The following TCF4 variants were observed in gnomAD, a reference collection of about 807,000 sequenced individuals.
The protein encoded by TCF4 is transcription factor 4.
TCF4 carries 3 observed loss-of-function variants against 82.1 expected under a neutral mutation model. The ratio of observed to expected loss-of-function variants is 0.04; its 90% CI spans 0.02 to 0.09. The LOEUF (loss-of-function observed/expected upper bound fraction) is 0.09, where lower values mean the gene tolerates loss of function less well. TCF4 is among the 10% of genes least tolerant of loss of function. TCF4 has a pLI of 1.00. For missense variants in TCF4, 518 were observed against 852.7 expected (o/e 0.61, Z 4.89); for synonymous variants, 276 against 309.6 (o/e 0.89, Z 1.14).
At chr18:55,273,354 AC>A (rs2060791448) in intron 10 of TCF4, among the ~76,000 whole-genome samples, 1 of 152,182 alleles carries the variant, frequency 6.6e-6, no homozygotes, top group Non-Finnish European at 1.5e-5. Context: ...TAATCCAGGA[AC>A]AGCGCTTAGC....
chr18:55,368,107 C>T (rs1003212843), intron 6 of TCF4, among the ~76,000 whole-genome samples: 2 of 152,162 alleles, frequency 1.3e-5, no homozygotes, highest in African/African-American at 2.4e-5. Flanking sequence ...TGTTTTCAGC[C>T]GGGCGCGGTG....
intron 8 of TCF4, among the ~76,000 whole-genome samples, chr18:55,313,852 T>A (rs922858591): frequency 7.2e-5 from 11 of 152,160 alleles, no homozygotes; most frequent in Non-Finnish European, 1.2e-4. Context: ...TCTCCTAACA[T>A]CCTGGCTGAT....
At chr18:55,248,809 A>G (rs966560818) in intron 15 of TCF4, among the ~76,000 whole-genome samples, 7 of 152,122 alleles carry the variant, frequency 4.6e-5, no homozygotes, top group African/African-American at 1.4e-4. Context: ...CAGTGGCACA[A>G]TCTTGGCTCA....
chr18:55,430,093 ATC>A (rs2095140295), intron 5 of TCF4, among the ~76,000 whole-genome samples: 1 of 152,186 alleles, frequency 6.6e-6, no homozygotes, highest in African/African-American at 2.4e-5. Flanking sequence ...TAGAACATTC[ATC>A]TCTCTGTATT....
chr18:55,499,819 CT>C (rs1337083263), intron 3 of TCF4, among the ~76,000 whole-genome samples: 1 of 152,230 alleles, frequency 6.6e-6, no homozygotes, highest in African/African-American at 2.4e-5. Context: ...AAAATACGGA[CT>C]ACCAGGCCTT....
chr18:55,381,925 TA>T (rs556808034), intron 6 of TCF4, among the ~76,000 whole-genome samples: 2 of 150,780 alleles, frequency 1.3e-5, no homozygotes, highest in East Asian at 3.9e-4. Context: ...TTTTTTTTTT[TA>T]AAAAAGGAAA....
At chr18:55,525,901 G>A (rs2096978433) in intron 3 of TCF4, among the ~76,000 whole-genome samples, 1 of 152,162 alleles carries the variant, frequency 6.6e-6, no homozygotes, top group Non-Finnish European at 1.5e-5. Context: ...AAACAAGGTG[G>A]TAGTCATTAT....
Position 55,568,202 on chromosome 18 carries a change from T to C in TCF4, c.145+17078A>G, listed in dbSNP as rs147057094. 4.8e-3 allele frequency among the ~76,000 whole-genome samples: 694 copies of C among 145,400 alleles called. 6 individuals carry two copies. Among genetic ancestry groups the C allele is most frequent in the Middle Eastern group, 0.015 (4 of 262 alleles). Reference sequence around the variant, plus strand: ...AAACAGAATAATAAGCCTAAGTACATAGAAAGCAGGAAATAACAAAGATTA... The same window carrying C: ...AAACAGAATAATAAGCCTAAGTACACAGAAAGCAGGAAATAACAAAGATTA... On this transcript the variant is annotated intron_variant, in intron 3 of 19. Transcript: ENST00000354452.
chr18:55,588,462 T>A, upstream of TCF4: 1 of 1,534,728 alleles, frequency 6.5e-7, no homozygotes, highest in East Asian at 2.4e-5. Flanking sequence ...CGAAAATTCA[T>A]CGAGCACCTC....
chr18:55,414,981 C>T (rs952914677), intron 5 of TCF4, among the ~76,000 whole-genome samples: 2 of 152,174 alleles, frequency 1.3e-5, no homozygotes, highest in South Asian at 2.1e-4. Flanking sequence ...CCAACCATAA[C>T]AGGAATTTTT....
chr18:55,551,522 G>A (rs951336858), intron 3 of TCF4: 3 of 152,474 alleles, frequency 2.0e-5, no homozygotes, highest in African/African-American at 4.8e-5. Context: ...CTCCGGAACC[G>A]AGCCTCTTCA....
intron 11 of TCF4, chr18:55,265,161 C>G (rs2058850811): frequency 6.6e-6 from 1 of 152,096 alleles, no homozygotes; most frequent in Non-Finnish European, 1.5e-5. Flanking sequence ...AATGTGTTGC[C>G]CCTTTAATGC....
At chr18:55,437,809 A>T (rs1464169546) in intron 5 of TCF4, among the ~76,000 whole-genome samples, 1 of 152,234 alleles carries the variant, frequency 6.6e-6, no homozygotes, top group Non-Finnish European at 1.5e-5. Flanking sequence ...CATGGGGTTC[A>T]GGAGTCCTGG....
intron 5 of TCF4, among the ~76,000 whole-genome samples, chr18:55,417,724 A>G (rs766301404): frequency 5.9e-5 from 9 of 152,226 alleles, no homozygotes; most frequent in Non-Finnish European, 1.2e-4. Flanking sequence ...GGACAACGTA[A>G]TGTAAAGATT....
rs1368925834 is a variant in TCF4, at chr18:55,422,136, A to C, written c.305-18618T>G. On this transcript the variant is annotated intron_variant, in intron 5 of 19. Coordinates refer to ENST00000354452, the MANE Select transcript of TCF4 (RefSeq NM_001083962.2). Reference sequence around the variant, plus strand: ...AAACCACTATCATCCAAAAAAAAAAAAAAAAAAAAAAACCCACCCTGAATA... The same window carrying C: ...AAACCACTATCATCCAAAAAAAAAACAAAAAAAAAAAACCCACCCTGAATA... 6 of 842,058 alleles carry C rather than the reference A, an allele frequency of 7.1e-6. No homozygotes were observed. In the South Asian group the frequency reaches 1.6e-4, roughly 22 times the overall value. The allele number at this position is 842,058 out of a possible 1,614,324, so 52.2% of individuals were successfully genotyped here.
In TCF4 at chr18:55,223,481, G is replaced by C. The variant is rs1250486668; in HGVS notation, c.*4554C>G. ...TAAAAATGGCACATTTATTGCTACA[G>C]AACGGTCATGTACATGACTTCATCG... On this transcript the variant is annotated 3_prime_UTR_variant, in exon 20 of 20. Transcript: ENST00000354452. The C allele has an allele frequency of 6.6e-6, 1 of 152,568 alleles. No individual in the cohort carries two copies. 9.5% of individuals were successfully genotyped at this position (152,568 alleles called of 1,614,324 possible). A position where few individuals can be genotyped will look rare whatever the true frequency, so the allele number is the denominator to read the frequency against.
intron 8 of TCF4, among the ~76,000 whole-genome samples, chr18:55,343,505 G>A (rs1398177182): frequency 6.6e-6 from 1 of 152,128 alleles, no homozygotes; most frequent in African/African-American, 2.4e-5. Context: ...CACTTAAGTA[G>A]AATTCTTAAA....
chr18:55,281,440 G>A (rs1310208409), intron 8 of TCF4, among the ~76,000 whole-genome samples: 2 of 152,076 alleles, frequency 1.3e-5, no homozygotes, highest in African/African-American at 2.4e-5. Context: ...ATATCTACAC[G>A]CTATTAGCCT....
chr18:55,453,647 C>T (rs1392681718), intron 5 of TCF4, among the ~76,000 whole-genome samples: 7 of 152,070 alleles, frequency 4.6e-5, no homozygotes, highest in African/African-American at 1.4e-4. Context: ...AGGACCACAG[C>T]ATTAGCTGTG....
Sources: gnomAD v4.1 joint callset for allele counts (sites outside exome capture counted in the v4.1 genomes callset) on GRCh38, gnomAD v4.1.1 for gene constraint, MANE v1.5 for transcripts, NCBI Gene and HGNC (gene_info 2026-07-23, HGNC 2026-07-21) for gene names.